Variants in EPHA4 observed in about 807,000 individuals in gnomAD.
EPHA4 encodes ephrin type-A receptor 4.
Under a neutral mutation model 108.3 loss-of-function variants are expected in EPHA4, and 19 were observed. That is an observed-to-expected ratio of 0.18 (90% confidence interval 0.12 to 0.26). EPHA4 has a LOEUF of 0.26. EPHA4 is among the 10% of genes least tolerant of loss of function. The pLI, the probability that EPHA4 is intolerant of heterozygous loss-of-function variation, is 1.00. For missense variants in EPHA4, 917 were observed against 1,254.0 expected, an observed-to-expected ratio of 0.73 and a Z score of 4.06; for synonymous variants, 449 against 455.5, an observed-to-expected ratio of 0.99 and a Z score of 0.18.
In EPHA4 at chr2:221,501,049, G is replaced by C; in HGVS notation, c.947C>G (p.Ala316Gly). The change falls in exon 4 of 18, where the codon GCT (alanine) becomes GGT (glycine). Residue 316 changes from alanine to glycine, a missense_variant. By Grantham distance (60) the Ala-to-Gly change is moderately conservative. Around this residue, in one of 3 missense-constraint regions of EPHA4, gnomAD observed 758 missense variants for 1,076.7 expected, o/e 0.70. Coordinates refer to ENST00000281821, the MANE Select transcript of EPHA4 (RefSeq NM_004438.5). Reference protein sequence around the residue: ...SCTCDRGFFRADNDAASMPCT... With the variant: ...SCTCDRGFFRGDNDAASMPCT... ...GGGCATAGAGGCAGCATCGTTGTCA[G>C]CTCTGAAAAAGCCTCGGTCACAGGT... The C allele has an allele frequency of 6.2e-7, 1 of 1,612,802 alleles. No homozygotes were observed. Among genetic ancestry groups the C allele is most frequent in the Non-Finnish European group, 8.5e-7 (1 of 1,179,444 alleles).
chr2:221,445,366 G>T (rs1690559599), intron 9 of EPHA4, among the ~76,000 whole-genome samples: 1 of 151,964 alleles, frequency 6.6e-6, no homozygotes, highest in Non-Finnish European at 1.5e-5. Flanking sequence ...GAGGCGGGCG[G>T]ATCACGAGGT....
intron 2 of EPHA4, 66 bp from the exon 3 acceptor site, chr2:221,564,460 T>C: frequency 6.7e-7 from 1 of 1,493,550 alleles, no homozygotes; most frequent in Non-Finnish European, 9.1e-7. Flanking sequence ...GTCAATCCCA[T>C]TTTATTCTCA....
chr2:221,563,608 C>T, intron 3 of EPHA4, 123 bp downstream of exon 3: 1 of 1,139,878 alleles, frequency 8.8e-7, no homozygotes, highest in Non-Finnish European at 1.2e-6. Flanking sequence ...CTCATTAGAC[C>T]CCTGTGTCCC....
chr2:221,476,801 A>C (rs891163477), intron 5 of EPHA4, among the ~76,000 whole-genome samples: 1 of 152,200 alleles, frequency 6.6e-6, no homozygotes, highest in Admixed American at 6.5e-5. Context: ...GTCTAATTAA[A>C]AGATGGCAGA....
At chr2:221,478,584 AG>A (rs1271978011) in intron 5 of EPHA4, among the ~76,000 whole-genome samples, 3 of 152,174 alleles carry the variant, frequency 2.0e-5, no homozygotes, top group Admixed American at 2.0e-4. Flanking sequence ...CAGCTGGAAA[AG>A]TAACACCCCC....
intron 14 of EPHA4, 32 bp from the exon 15 acceptor site, chr2:221,430,183 T>C (rs763171253): frequency 1.2e-5 from 19 of 1,563,126 alleles, no homozygotes; most frequent in Non-Finnish European, 1.6e-5. Context: ...TATGTTAAGC[T>C]GCCAGGCAAG....
intron 8 of EPHA4, among the ~76,000 whole-genome samples, chr2:221,452,704 A>T (rs1690825392): frequency 9.8e-6 from 1 of 102,314 alleles, no homozygotes; most frequent in Admixed American, 1.1e-4. Flanking sequence ...CAGCCTTGGG[A>T]AGTGACATTT....
Position 221,430,408 on chromosome 2 carries a change from C to A in EPHA4, c.2497-257G>T, listed in dbSNP as rs562063366. ...TCAAGTGGCTAGAGCCCAGTCAAAT[C>A]CACAATGTGGTGTCAGTTTTGGTGA... On this transcript the variant is annotated intron_variant, in intron 14 of 17. Transcript: ENST00000281821. 5.5e-3 allele frequency among the ~76,000 whole-genome samples: 834 copies of A among 152,286 alleles called. 9 individuals are homozygous for A. The highest frequency in any genetic ancestry group is 0.019 in the African/African-American group (799 of 41,560).
At chr2:221,555,387 G>A (rs1360978298) in intron 3 of EPHA4, among the ~76,000 whole-genome samples, 6 of 152,178 alleles carry the variant, frequency 3.9e-5, no homozygotes, top group Non-Finnish European at 7.3e-5. Flanking sequence ...GCATGAGGAC[G>A]AATACAGAAT....
At chr2:221,512,431 T>C (rs1692857488) in intron 3 of EPHA4, among the ~76,000 whole-genome samples, 1 of 152,220 alleles carries the variant, frequency 6.6e-6, no homozygotes, top group African/African-American at 2.4e-5. Flanking sequence ...CGCTAGCACA[T>C]CGCAGCCATG....
At chr2:221,488,073 TG>T (rs1433011870) in intron 4 of EPHA4, among the ~76,000 whole-genome samples, 2 of 152,150 alleles carry the variant, frequency 1.3e-5, no homozygotes, top group Admixed American at 6.5e-5. Context: ...ATCTGCTCCC[TG>T]CAGCAACTAC....
intron 1 of EPHA4, among the ~76,000 whole-genome samples, chr2:221,569,047 A>G (rs1483643405): frequency 6.6e-6 from 1 of 152,234 alleles, no homozygotes; most frequent in Non-Finnish European, 1.5e-5. Flanking sequence ...TTTTCTAAAA[A>G]GGATGAATAG....
At chr2:221,565,308 A>G (rs556800126) in intron 2 of EPHA4, among the ~76,000 whole-genome samples, 2 of 152,350 alleles carry the variant, frequency 1.3e-5, no homozygotes, top group South Asian at 4.1e-4. Flanking sequence ...CACTGTGACT[A>G]AAAGTTTCAC....
chr2:221,503,779 A>G (rs1692548948), intron 3 of EPHA4, among the ~76,000 whole-genome samples: 1 of 152,218 alleles, frequency 6.6e-6, no homozygotes, highest in Non-Finnish European at 1.5e-5. Context: ...CTCCAACTAC[A>G]TTAAGACCAT....
chr2:221,483,063 G>A (rs1204391491), intron 4 of EPHA4, among the ~76,000 whole-genome samples: 2 of 152,210 alleles, frequency 1.3e-5, no homozygotes, highest in Non-Finnish European at 2.9e-5. Flanking sequence ...CAGGGCCGTT[G>A]TGAGACTCTG....
At chr2:221,555,553 A>G (rs1694280613) in intron 3 of EPHA4, among the ~76,000 whole-genome samples, 1 of 152,224 alleles carries the variant, frequency 6.6e-6, no homozygotes, top group African/African-American at 2.4e-5. Context: ...GAATATTCAT[A>G]AAATGTTCAT....
In EPHA4 at chr2:221,456,736, C is replaced by T. The variant is rs184634347; in HGVS notation, c.1480G>A (p.Ala494Thr). Reference protein sequence around the residue: ...NERSYRIVRTAARNTDIKGLN... With the variant: ...NERSYRIVRTTARNTDIKGLN... The stretch of plus-strand genomic sequence containing the variant: ...CCTTTGATATCTGTGTTCCTGGCAG[C>T]TGTCCGAACTATACGATAGCTTCGC... Residue 494 changes from alanine to threonine, a missense_variant, in exon 7 of 18, where the codon GCT (alanine) becomes ACT (threonine). Coordinates refer to ENST00000281821, the MANE Select transcript of EPHA4 (RefSeq NM_004438.5). 6.2e-7 allele frequency: 1 copy of T among 1,613,932 alleles called. No homozygotes were observed. Among genetic ancestry groups the T allele is most frequent in the African/African-American group, 1.3e-5 (1 of 75,012 alleles).
chr2:221,566,749 C>A (rs928491395), intron 2 of EPHA4, among the ~76,000 whole-genome samples: 2 of 147,666 alleles, frequency 1.4e-5, no homozygotes, highest in African/African-American at 5.1e-5. Context: ...GAAAAAGTGA[C>A]CAGGTGCTCT....
intron 5 of EPHA4, among the ~76,000 whole-genome samples, chr2:221,467,637 C>T (rs1000933582): frequency 3.3e-5 from 5 of 152,126 alleles, no homozygotes; most frequent in African/African-American, 1.2e-4. Context: ...GTCATAGGAT[C>T]GGTTATAAAA....
Sources: gnomAD v4.1 joint callset for allele counts (sites outside exome capture counted in the v4.1 genomes callset) on GRCh38, gnomAD v4.1.1 for gene constraint, gnomAD v4.1.1 regional missense constraint, MANE v1.5 for transcripts, NCBI Gene and HGNC (gene_info 2026-07-23, HGNC 2026-07-21) for gene names.